IPO7: variants seen among roughly 807,000 people sequenced by gnomAD.
IPO7 encodes importin 7, also known as importin-7.
A neutral mutation model predicts 136.4 loss-of-function variants in IPO7; 13 were observed. That is an observed-to-expected ratio of 0.10 (90% CI 0.06 to 0.15). IPO7 has a LOEUF of 0.15. Among genes scored for constraint, IPO7 ranks in the 10% least tolerant of loss-of-function variants. The pLI, the probability that IPO7 is intolerant of heterozygous loss-of-function variation, is 1.00. For synonymous variants in IPO7, 403 were observed against 404.4 expected (o/e 1.00, Z 0.04); for missense variants, 857 against 1,240.6 (o/e 0.69, Z 4.65).
Position 9,439,548 on chromosome 11 carries a change from C to T in IPO7, c.2696-907C>T, listed in dbSNP as rs184153412. Among the ~76,000 whole-genome samples, 32 of 152,064 alleles carry T rather than the reference C, an allele frequency of 2.1e-4. 1 individual carries two copies. The East Asian group carries it at 5.8e-3, about 28-fold the overall frequency. On this transcript the variant is annotated intron_variant, in intron 22 of 24. Coordinates refer to ENST00000379719, the MANE Select transcript of IPO7 (RefSeq NM_006391.3). ...ACACATATCATTATAGTTACTATTA[C>T]AAGATTTATGGGGGTTTTTTTTGTT...
chr11:9,426,627 T>C (rs1264075675), intron 12 of IPO7, among the ~76,000 whole-genome samples: 2 of 152,212 alleles, frequency 1.3e-5, no homozygotes, highest in African/African-American at 4.8e-5. Context: ...ATTATAGCCA[T>C]CCTAGTGAAC....
At chr11:9,409,763 G>A (rs189601706) in intron 3 of IPO7, among the ~76,000 whole-genome samples, 165 bp from the exon 4 acceptor site, 276 of 152,280 alleles carry the variant, frequency 1.8e-3, no homozygotes, top group African/African-American at 5.9e-3. Flanking sequence ...GCTGGTTTTC[G>A]TTTGCTCAGT....
At chr11:9,423,952 G>A in intron 10 of IPO7, 76 bp downstream of exon 10, 2 of 797,558 alleles carry the variant, frequency 2.5e-6, no homozygotes, top group South Asian at 1.5e-5. Flanking sequence ...AGCCAACCTA[G>A]GGGGTATTAT....
chr11:9,405,778 A>G (rs971932964), intron 2 of IPO7, among the ~76,000 whole-genome samples: 1 of 152,218 alleles, frequency 6.6e-6, no homozygotes, highest in Admixed American at 6.5e-5. Flanking sequence ...CCTGGTCAGC[A>G]GTAAATCTTT....
chr11:9,405,500 G>A (rs941715151), intron 2 of IPO7, among the ~76,000 whole-genome samples: 1 of 151,818 alleles, frequency 6.6e-6, no homozygotes, highest in Non-Finnish European at 1.5e-5. Flanking sequence ...TTGACTCACT[G>A]TAAACTCTGC....
intron 1 of IPO7, among the ~76,000 whole-genome samples, chr11:9,401,217 A>G (rs142302589): frequency 1.1e-3 from 172 of 152,254 alleles, no homozygotes; most frequent in African/African-American, 4.0e-3. Flanking sequence ...ATAAAAATCA[A>G]AATATTGTTC....
chr11:9,440,764 A>G (rs1224649140), intron 23 of IPO7, 103 bp downstream of exon 23: 4 of 939,952 alleles, frequency 4.3e-6, no homozygotes, highest in Non-Finnish European at 6.7e-6. Context: ...AACCCAGACT[A>G]GAAAAGGCTG....
chr11:9,392,227 G>C (rs1365738176), intron 1 of IPO7: 1 of 299,218 alleles, frequency 3.3e-6, no homozygotes. Context: ...GCCCAGACTG[G>C]AGTGCAATGG....
In IPO7 at chr11:9,438,152, A is replaced by C. The variant is rs1240035394; in HGVS notation, c.2562A>C (p.Leu854Phe). The change falls in exon 22 of 25, where the codon TTA becomes TTC. Residue 854 changes from leucine to phenylalanine, a missense_variant. By Grantham distance (22) the Leu-to-Phe change is conservative. This residue lies in a region of IPO7 where 7 missense variants were observed against 45.6 expected (regional missense o/e 0.15). Transcript: ENST00000379719. Reference protein sequence around the residue: ...LIDMEQIPQVLNQVSGQILPA... With the variant: ...LIDMEQIPQVFNQVSGQILPA... ...ATATGGAACAGATACCCCAAGTTTT[A>C]AATCAGGTTTCTGGACAGATTTTGC... The C allele has an allele frequency of 6.2e-7, 1 of 1,600,582 alleles. No individual in the cohort carries two copies.
intron 23 of IPO7, among the ~76,000 whole-genome samples, chr11:9,441,809 A>G (rs978012902): frequency 2.0e-5 from 3 of 152,220 alleles, no homozygotes; most frequent in East Asian, 1.9e-4. Context: ...TACTTACTAT[A>G]TAAGAACTAG....
intron 9 of IPO7, 77 bp from the exon 10 acceptor site, chr11:9,423,700 T>A: frequency 1.1e-6 from 1 of 892,446 alleles, no homozygotes. Flanking sequence ...GTTACTTTGG[T>A]TTTAATACTT....
intron 6 of IPO7, 70 bp downstream of exon 6, chr11:9,417,218 G>A (rs1421437643): frequency 6.1e-6 from 4 of 659,398 alleles, no homozygotes; most frequent in African/African-American, 5.6e-5. Flanking sequence ...ACTTTAACTG[G>A]TGTTTCCTGT....
rs562719097 is a variant in IPO7 at position 9,424,708 on chromosome 11, C to T, written c.1142-206C>T. On this transcript the variant is annotated intron_variant, in intron 10 of 24. Coordinates refer to ENST00000379719, the MANE Select transcript of IPO7 (RefSeq NM_006391.3). ...CAATGAGCCGAGATCGCCCACTGCACTCCAGCCTGAGTGACAGAGCGAGAC... is the reference window on the plus strand; with the variant it reads ...CAATGAGCCGAGATCGCCCACTGCATTCCAGCCTGAGTGACAGAGCGAGAC... Among the ~76,000 whole-genome samples the T allele has an allele frequency of 2.0e-5, 3 of 152,318 alleles. No homozygotes were observed. In the East Asian group the frequency reaches 5.8e-4, roughly 29 times the overall value.
chr11:9,417,699 T>C (rs1228330114), intron 6 of IPO7, among the ~76,000 whole-genome samples: 2 of 151,324 alleles, frequency 1.3e-5, no homozygotes, highest in Admixed American at 6.6e-5. Flanking sequence ...TTCTTTATAG[T>C]CTAGTTTTCT....
intron 24 of IPO7, among the ~76,000 whole-genome samples, chr11:9,444,014 C>T (rs1855494099): frequency 6.6e-6 from 1 of 152,156 alleles, no homozygotes; most frequent in South Asian, 2.1e-4. Context: ...GTGGCTCACG[C>T]CTATAATCCC....
intron 1 of IPO7, among the ~76,000 whole-genome samples, chr11:9,390,824 C>T (rs1854622224): frequency 6.6e-6 from 1 of 151,898 alleles, no homozygotes; most frequent in Admixed American, 6.6e-5. Context: ...GGCTGGAATG[C>T]AGTGGCGCAG....
In IPO7 at chr11:9,441,763, T is replaced by G. The variant is rs139623468; in HGVS notation, c.2903-318T>G. Among the ~76,000 whole-genome samples, 188 of 152,360 alleles carry G rather than the reference T, an allele frequency of 1.2e-3. 1 individual carries two copies. Among genetic ancestry groups the G allele is most frequent in the African/African-American group, 4.4e-3 (182 of 41,592 alleles). On this transcript the variant is annotated intron_variant, in intron 23 of 24. Coordinates refer to ENST00000379719, the MANE Select transcript of IPO7 (RefSeq NM_006391.3). ...TTAGCTCTGAATCTTTTAAGATGGT[T>G]GGGTTAGCTTTATTCCTGAAGTCTC...
chr11:9,446,782 A>G lies in IPO7; in HGVS notation c.*1588A>G, dbSNP rs1220285815. On this transcript the variant is annotated 3_prime_UTR_variant, in exon 25 of 25. Transcript: ENST00000379719. Reference sequence around the variant, plus strand: ...GTTGTTGTGTTTTTCTTGTATACCAATAATTAAGCCACTACTGTTGGCACT... The same window carrying G: ...GTTGTTGTGTTTTTCTTGTATACCAGTAATTAAGCCACTACTGTTGGCACT... The G allele has an allele frequency of 1.3e-5, 2 of 152,226 alleles. No individual in the cohort carries two copies. Among genetic ancestry groups the G allele is most frequent in the Non-Finnish European group, 2.9e-5 (2 of 68,040 alleles). 9.4% of individuals were successfully genotyped at this position (152,226 alleles called of 1,614,324 possible). A position where few individuals can be genotyped will look rare whatever the true frequency, so the allele number is the denominator to read the frequency against.
chr11:9,416,593 G>A (rs1855045444), intron 5 of IPO7, among the ~76,000 whole-genome samples: 1 of 152,108 alleles, frequency 6.6e-6, no homozygotes. Flanking sequence ...GGCCTACTGA[G>A]AAATAGGATT....
Sources: gnomAD v4.1 joint callset for allele counts (sites outside exome capture counted in the v4.1 genomes callset) on GRCh38, gnomAD v4.1.1 for gene constraint, gnomAD v4.1.1 regional missense constraint, MANE v1.5 for transcripts, NCBI Gene and HGNC (gene_info 2026-07-23, HGNC 2026-07-21) for gene names.